LRRC69: variants seen among roughly 807,000 people sequenced by gnomAD.
LRRC69 encodes the protein leucine rich repeat containing 69, also known as leucine-rich repeat-containing protein 69.
LRRC69 carries 42 observed loss-of-function variants against 37.8 expected under a neutral mutation model. That is an observed-to-expected ratio of 1.11 (90% CI 0.87 to 1.44). LRRC69 has a LOEUF of 1.44. Among genes scored for constraint, LRRC69 ranks in the 40% most tolerant of loss-of-function variants. The probability of loss-of-function intolerance (pLI) is 0.00; values close to 1 mark genes in which losing one functional copy is unlikely to be tolerated. For missense variants in LRRC69, 357 were observed against 401.9 expected (o/e 0.89, Z 0.96); for synonymous variants, 141 against 143.1 (o/e 0.99, Z 0.11).
At chr8:91,162,326 C>G (rs1808959354) in intron 5 of LRRC69, among the ~76,000 whole-genome samples, 2 of 151,280 alleles carry the variant, frequency 1.3e-5, no homozygotes, top group African/African-American at 4.8e-5. Context: ...TGTCTGGATA[C>G]TCTGTCCAGT....
intron 5 of LRRC69, among the ~76,000 whole-genome samples, chr8:91,151,284 T>A (rs1808732337): frequency 6.6e-6 from 1 of 151,976 alleles, no homozygotes; most frequent in African/African-American, 2.4e-5. Context: ...TGGTATGTTG[T>A]GTCTTTGTTC....
chr8:91,110,572 G>A (rs1370475380), intron 1 of LRRC69, among the ~76,000 whole-genome samples: 2 of 150,296 alleles, frequency 1.3e-5, no homozygotes, highest in Admixed American at 6.7e-5. Flanking sequence ...CTGGGAGGTG[G>A]AGGTTGCAGT....
At chr8:91,201,732 A>G (rs1370876529) in intron 7 of LRRC69, among the ~76,000 whole-genome samples, 2 of 152,192 alleles carry the variant, frequency 1.3e-5, no homozygotes, top group African/African-American at 4.8e-5. Context: ...ATAATTTTAA[A>G]TAAATTAATA....
chr8:91,182,947 C>G (rs1424445488), intron 5 of LRRC69, among the ~76,000 whole-genome samples: 1 of 152,100 alleles, frequency 6.6e-6, no homozygotes, highest in Non-Finnish European at 1.5e-5. Flanking sequence ...GGAAGGCTTC[C>G]TGGAGGAGGT....
At chr8:91,162,745 T>G (rs1563610460) in intron 5 of LRRC69, among the ~76,000 whole-genome samples, 1 of 151,368 alleles carries the variant, frequency 6.6e-6, no homozygotes, top group Non-Finnish European at 1.5e-5. Context: ...TTTAAACTGT[T>G]TATATTCAAT....
intron 5 of LRRC69, among the ~76,000 whole-genome samples, chr8:91,181,619 A>G (rs1171128951): frequency 3.9e-4 from 59 of 152,332 alleles, no homozygotes; most frequent in Non-Finnish European, 5.9e-5. Flanking sequence ...ATTATTTAGA[A>G]GGAAAAGAGA....
At chr8:91,215,294 A>G (rs1810023314) in intron 7 of LRRC69, among the ~76,000 whole-genome samples, 1 of 152,090 alleles carries the variant, frequency 6.6e-6, no homozygotes, top group Non-Finnish European at 1.5e-5. Flanking sequence ...CTCTTTTTCT[A>G]TTCCTTGTGC....
At chr8:91,173,949 A>C (rs536934137) in intron 5 of LRRC69, among the ~76,000 whole-genome samples, 1 of 142,634 alleles carries the variant, frequency 7.0e-6, no homozygotes, top group South Asian at 2.4e-4. Context: ...AAAAGAAGAA[A>C]AAACAAAAGC....
chr8:91,202,019 A>G (rs1227074330), intron 7 of LRRC69, among the ~76,000 whole-genome samples: 4 of 152,116 alleles, frequency 2.6e-5, no homozygotes, highest in Admixed American at 2.6e-4. Context: ...CAGTCTGGCC[A>G]ATATGATAAA....
At chr8:91,209,201 C>T (rs1001108152) in intron 7 of LRRC69, among the ~76,000 whole-genome samples, 5 of 151,976 alleles carry the variant, frequency 3.3e-5, no homozygotes, top group East Asian at 1.9e-4. Context: ...CCGAGGCGGG[C>T]GGATCACCTG....
At chr8:91,103,997 C>T (rs1454369084) in intron 1 of LRRC69, among the ~76,000 whole-genome samples, 1 of 151,962 alleles carries the variant, frequency 6.6e-6, no homozygotes, top group Admixed American at 6.6e-5. Context: ...CACTTCCCCT[C>T]ATCCTCAATC....
Position 91,159,602 on chromosome 8 carries a change from T to G in LRRC69, c.651+23863T>G, listed in dbSNP as rs1020779191. On this transcript the variant is annotated intron_variant, in intron 5 of 7. Transcript: ENST00000448384. Reference sequence around the variant, plus strand: ...AAAAAAATGGGAACAAGGCTTTGGCTGAAAAAAACATGCATTTGACAAATC... The same window carrying G: ...AAAAAAATGGGAACAAGGCTTTGGCGGAAAAAAACATGCATTTGACAAATC... Among the ~76,000 whole-genome samples the G allele has an allele frequency of 2.0e-5, 3 of 151,142 alleles. No homozygotes were observed. In the Admixed American group the frequency reaches 2.0e-4, roughly 10 times the overall value.
intron 5 of LRRC69, among the ~76,000 whole-genome samples, chr8:91,152,837 G>C (rs1242441367): frequency 6.6e-6 from 1 of 150,898 alleles, no homozygotes; most frequent in East Asian, 2.0e-4. Context: ...ACAATAACCA[G>C]CTAGCATCAT....
chr8:91,158,324 C>T (rs1808872996), intron 5 of LRRC69: 8 of 1,473,564 alleles, frequency 5.4e-6, no homozygotes, highest in Non-Finnish European at 7.6e-6. Context: ...GGAATTTACC[C>T]TTCTGTTTCT....
At chr8:91,118,683 T>C (rs558010440) in intron 1 of LRRC69, 3 of 161,846 alleles carry the variant, frequency 1.9e-5, no homozygotes, top group South Asian at 3.2e-4. Flanking sequence ...AGAATACCAA[T>C]AGAACTTCAT....
intron 1 of LRRC69, among the ~76,000 whole-genome samples, chr8:91,113,428 T>G (rs2130483903): frequency 1.3e-5 from 2 of 152,200 alleles, no homozygotes; most frequent in East Asian, 3.9e-4. Flanking sequence ...TATGATCAAC[T>G]AATGTTTGAA....
rs1813644975 is a variant in LRRC69 at position 91,122,576 on chromosome 8, A to C, written c.184-1917A>C. Among the ~76,000 whole-genome samples the C allele has an allele frequency of 2.0e-5, 3 of 151,966 alleles. No homozygotes were observed. In the South Asian group the frequency reaches 6.2e-4, roughly 31 times the overall value. ...CCCTTGTATCTTTCCCAGGGGTCTC[A>C]TGTTTTCTACCAGCATTCATGAAAC... is the stretch of plus-strand genomic sequence containing the variant. On this transcript the variant is annotated intron_variant, in intron 1 of 7. Transcript: ENST00000448384.
At chr8:91,160,998 C>T (rs1425460881) in intron 5 of LRRC69, among the ~76,000 whole-genome samples, 2 of 151,148 alleles carry the variant, frequency 1.3e-5, no homozygotes, top group Non-Finnish European at 3.0e-5. Flanking sequence ...GAGTTTTTAT[C>T]ATGACAAGGT....
intron 7 of LRRC69, among the ~76,000 whole-genome samples, chr8:91,208,170 G>T (rs1473920644): frequency 6.6e-6 from 1 of 152,152 alleles, no homozygotes; most frequent in African/African-American, 2.4e-5. Flanking sequence ...AGATACTGGG[G>T]TTTAAGACAT....
Sources: allele counts gnomAD v4.1 joint callset (sites outside exome capture counted in the v4.1 genomes callset), GRCh38; gene constraint gnomAD v4.1.1; transcripts MANE v1.5; gene names NCBI Gene and HGNC (gene_info 2026-07-23, HGNC 2026-07-21).